The following SOD2 variants were observed in gnomAD, a reference collection of about 807,000 sequenced individuals.
The protein encoded by SOD2 is superoxide dismutase [Mn], mitochondrial.
Under a neutral mutation model 27.0 loss-of-function variants are expected in SOD2, and 11 were observed. That is an observed-to-expected ratio of 0.41 (90% CI 0.26 to 0.67). The LOEUF (loss-of-function observed/expected upper bound fraction) is 0.67, where lower values mean the gene tolerates loss of function less well. Among genes scored for constraint, SOD2 ranks in the 30% least tolerant of loss-of-function variants. The pLI is 0.34. For synonymous variants in SOD2, 105 were observed against 103.0 expected, an observed-to-expected ratio of 1.02 and a Z score of -0.12; for missense variants, 250 against 274.5, an observed-to-expected ratio of 0.91 and a Z score of 0.63.
At chr6:159,741,240 T>C (rs530987926) in intron 1 of SOD2, among the ~76,000 whole-genome samples, 1 of 152,294 alleles carries the variant, frequency 6.6e-6, no homozygotes, top group African/African-American at 2.4e-5. Flanking sequence ...AGAAGTATAA[T>C]GAAGAACAAC....
intron 1 of SOD2, among the ~76,000 whole-genome samples, chr6:159,758,674 G>C (rs187202533): frequency 1.3e-5 from 2 of 152,304 alleles, no homozygotes; most frequent in African/African-American, 4.8e-5. Flanking sequence ...GGGTGGCTGT[G>C]CTGAGGGAGT....
rs774232559 is a variant in SOD2 at position 159,685,670 on chromosome 6, CCCCGT to C, written c.344-642_344-638del. On this transcript the variant is annotated intron_variant, in intron 3 of 4. Transcript: ENST00000538183. ...AGCTTAGTATACAACAGTTTTCACC[CCCCGT>C]CCCCTTCTTTCTCCCTCCCTGCTCT... Among the ~76,000 whole-genome samples the C allele has an allele frequency of 1.1e-4, 13 of 117,792 alleles. No individual in the cohort carries two copies. In the South Asian group the frequency reaches 1.7e-3, roughly 16 times the overall value. The allele number at this position is 117,792 out of a possible 152,430, so 77.3% of individuals were successfully genotyped here.
In SOD2 at chr6:159,761,994, C is replaced by T. The variant is rs755545824; in HGVS notation, c.-1293G>A. 41 of 1,454,750 alleles carry T rather than the reference C, an allele frequency of 2.8e-5. No individual in the cohort carries two copies. In the Middle Eastern group the frequency reaches 1.0e-3, roughly 37 times the overall value. The allele number at this position is 1,454,750 out of a possible 1,614,324, so 90.1% of individuals were successfully genotyped here. A position where few individuals can be genotyped will look rare whatever the true frequency, so the allele number is the denominator to read the frequency against. On this transcript the variant is annotated 5_prime_UTR_variant, in exon 1 of 8. Transcript: ENST00000546087. Reference sequence around the variant, plus strand: ...GGTGGAGGGCGAGGGGCGGGGCTACCTCAGGTCCCGCCCGCGGCAGGCCTG... The same window carrying T: ...GGTGGAGGGCGAGGGGCGGGGCTACTTCAGGTCCCGCCCGCGGCAGGCCTG...
At chr6:159,733,289 G>A (rs922372514) in intron 1 of SOD2, among the ~76,000 whole-genome samples, 50 of 152,314 alleles carry the variant, frequency 3.3e-4, no homozygotes, top group African/African-American at 1.2e-3. Flanking sequence ...AAATACTGAG[G>A]TTTTTATCTG....
upstream of SOD2, chr6:159,727,737 G>A: frequency 1.0e-6 from 1 of 985,300 alleles, no homozygotes. Flanking sequence ...AGCGGACGCG[G>A]GGGACCTCCG....
Position 159,671,168 on chromosome 6 carries a change from C to G in SOD2, c.*11325G>C, listed in dbSNP as rs1034447494. 3 of 152,330 alleles carry G rather than the reference C, an allele frequency of 2.0e-5. No homozygotes were observed. Among genetic ancestry groups the G allele is most frequent in the Non-Finnish European group, 4.4e-5 (3 of 68,162 alleles). The allele number at this position is 152,330 out of a possible 1,614,324, so 9.4% of individuals were successfully genotyped here. A position where few individuals can be genotyped will look rare whatever the true frequency, so the allele number is the denominator to read the frequency against. ...CCTCTGTAGACTCCACCTCTGGGGG[C>G]ATGGCATAGCCGAACAAAAGGCAGC... On this transcript the variant is annotated 3_prime_UTR_variant, in exon 5 of 5. Transcript: ENST00000538183.
chr6:159,715,425 G>T (rs558801294), intron 1 of SOD2, among the ~76,000 whole-genome samples: 1 of 152,258 alleles, frequency 6.6e-6, no homozygotes, highest in South Asian at 2.1e-4. Flanking sequence ...CAGTCACATA[G>T]TTTTTGAATG....
intron 1 of SOD2, among the ~76,000 whole-genome samples, chr6:159,702,654 CA>C (rs750073120): frequency 0.012 from 480 of 39,846 alleles, no homozygotes; most frequent in African/African-American, 0.031. Context: ...TCTATCTCTC[CA>C]AAAAAAAAAA....
At chr6:159,711,930 C>A (rs79893243) in intron 1 of SOD2, among the ~76,000 whole-genome samples, 2 of 97,016 alleles carry the variant, frequency 2.1e-5, no homozygotes, top group African/African-American at 3.9e-5. Flanking sequence ...ACCACCTCCA[C>A]AACCACCACT....
intron 1 of SOD2, among the ~76,000 whole-genome samples, chr6:159,716,233 A>G (rs1583043056): frequency 6.6e-6 from 1 of 152,338 alleles, no homozygotes; most frequent in East Asian, 1.9e-4. Context: ...ATATAAGGAC[A>G]TATCTGTTTT....
Position 159,669,690 on chromosome 6 carries a change from G to A in SOD2, c.*12803C>T, listed in dbSNP as rs1779614316. ...AATATGATTATATCTTGCATGAATT[G>A]ATCCTTGTTTCATTACATAATGACT... On this transcript the variant is annotated 3_prime_UTR_variant, in exon 5 of 5. Transcript: ENST00000538183. 1 of 152,098 alleles carries A rather than the reference G, an allele frequency of 6.6e-6. No homozygotes were observed. Among genetic ancestry groups the A allele is most frequent in the South Asian group, 2.1e-4 (1 of 4,820 alleles). The allele number at this position is 152,098 out of a possible 1,614,324, so 9.4% of individuals were successfully genotyped here.
intron 1 of SOD2, among the ~76,000 whole-genome samples, chr6:159,740,513 A>G (rs140180541): frequency 3.0e-4 from 45 of 152,026 alleles, no homozygotes; most frequent in African/African-American, 1.0e-3. Flanking sequence ...ATTTTTCTGT[A>G]CTTCTAAAAT....
intron 1 of SOD2, among the ~76,000 whole-genome samples, chr6:159,710,266 A>AATATAT (rs1554261115): frequency 1.4e-5 from 1 of 71,862 alleles, no homozygotes; most frequent in Non-Finnish European, 3.0e-5. Context: ...TTAAAGTATA[A>AATATAT]ATACATATAT....
rs763455003 is a variant in SOD2, at chr6:159,720,847, CTTTTTTTT to C, written c.-116+6274_-116+6281del. On this transcript the variant is annotated intron_variant, in intron 1 of 2. Coordinates refer to the SOD2 transcript ENST00000401980. ...CACTATACAGGTGTATTTTCTTTAC[CTTTTTTTT>C]TTTTTTTTTTTTTTTTTTTGAGACA... Among the ~76,000 whole-genome samples, 114 of 59,944 alleles carry C rather than the reference CTTTTTTTT, an allele frequency of 1.9e-3. 2 individuals carry two copies. Among genetic ancestry groups the C allele is most frequent in the Non-Finnish European group, 3.0e-3 (101 of 33,924 alleles). 39.3% of individuals were successfully genotyped at this position (59,944 alleles called of 152,430 possible).
At chr6:159,703,050 C>T (rs1246157973) in intron 1 of SOD2, among the ~76,000 whole-genome samples, 1 of 152,016 alleles carries the variant, frequency 6.6e-6, no homozygotes, top group Non-Finnish European at 1.5e-5. Context: ...CATGGTGGCT[C>T]ACGCCTGTAA....
At chr6:159,755,572 C>T (rs1229820551) in intron 1 of SOD2, 3 of 1,613,674 alleles carry the variant, frequency 1.9e-6, no homozygotes, top group Non-Finnish European at 2.5e-6. Context: ...TTCAGAATGG[C>T]TTGGACTCAA....
chr6:159,689,681 C>T (rs1215056086), intron 2 of SOD2, among the ~76,000 whole-genome samples: 1 of 152,158 alleles, frequency 6.6e-6, no homozygotes, highest in Non-Finnish European at 1.5e-5. Flanking sequence ...ATGTCTGGGC[C>T]GGGTGCGGTG....
rs557293267 is a variant in SOD2, at chr6:159,754,532, G to A, written c.-335-5856C>T. ...TTGGTTGCTTAATACAGTTGCCCTC[G>A]GTATCCATGGTGGATTGGTGTCAGG... is the stretch of plus-strand genomic sequence containing the variant. On this transcript the variant is annotated intron_variant, in intron 1 of 7. Transcript: ENST00000546087. Among the ~76,000 whole-genome samples the A allele has an allele frequency of 2.6e-5, 4 of 152,180 alleles. No homozygotes were observed. In the South Asian group the frequency reaches 8.3e-4, roughly 32 times the overall value.
chr6:159,714,906 C>A (rs530272520), intron 1 of SOD2, among the ~76,000 whole-genome samples: 1 of 152,066 alleles, frequency 6.6e-6, no homozygotes, highest in East Asian at 1.9e-4. Flanking sequence ...TTGATGTGTA[C>A]AGATTGCTGG....
Sources: allele counts gnomAD v4.1 joint callset (sites outside exome capture counted in the v4.1 genomes callset), GRCh38; gene constraint gnomAD v4.1.1; transcripts MANE v1.5; gene names NCBI Gene and HGNC (gene_info 2026-07-23, HGNC 2026-07-21).